Variants in CADM2 observed in about 807,000 individuals in gnomAD.
The protein encoded by CADM2 is cell adhesion molecule 2.
In CADM2, 12 loss-of-function variants were observed where a neutral mutation model predicts 49.8. The observed-to-expected ratio is 0.24, with a 90% CI of 0.15 to 0.39. The LOEUF is 0.39. Among genes scored for constraint, CADM2 ranks in the 10% least tolerant of loss-of-function variants. CADM2 has a pLI of 1.00. For missense variants in CADM2, 378 were observed against 492.3 expected (o/e 0.77, Z 2.20); for synonymous variants, 214 against 175.4 (o/e 1.22, Z -1.74).
intron 3 of CADM2, among the ~76,000 whole-genome samples, chr3:85,822,729 A>G (rs2073665693): frequency 6.6e-6 from 1 of 152,198 alleles, no homozygotes; most frequent in Non-Finnish European, 1.5e-5. Context: ...CATTTTTATG[A>G]AAGAAATCAA....
At chr3:85,332,255 C>T (rs2044949741) in intron 1 of CADM2, among the ~76,000 whole-genome samples, 1 of 151,960 alleles carries the variant, frequency 6.6e-6, no homozygotes. Flanking sequence ...CTGTTGGATC[C>T]TGAGAAATAC....
At chr3:85,998,056 A>G (rs552383820) in intron 8 of CADM2, among the ~76,000 whole-genome samples, 1 of 152,276 alleles carries the variant, frequency 6.6e-6, no homozygotes, top group East Asian at 1.9e-4. Flanking sequence ...ACTTAGAAGG[A>G]GAGGTGAGGG....
chr3:85,341,553 T>C (rs1452284328), intron 1 of CADM2, among the ~76,000 whole-genome samples: 2 of 151,968 alleles, frequency 1.3e-5, no homozygotes, highest in African/African-American at 4.8e-5. Flanking sequence ...ATCATATACA[T>C]AATATCTAAG....
chr3:85,969,199 A>G (rs949415742), intron 8 of CADM2, among the ~76,000 whole-genome samples: 5 of 151,580 alleles, frequency 3.3e-5, no homozygotes, highest in African/African-American at 1.2e-4. Context: ...ATACAAAGGC[A>G]TTTCATCATC....
rs115051244 is a variant in CADM2 at position 85,757,275 on chromosome 3, T to C, written c.88+30727T>C. Reference sequence around the variant, plus strand: ...GTTTGGCTTGAAGACGCGTATTTGTTCATGCTTTAACTTATTTAACATTCA... The same window carrying C: ...GTTTGGCTTGAAGACGCGTATTTGTCCATGCTTTAACTTATTTAACATTCA... On this transcript the variant is annotated intron_variant, in intron 2 of 9. Transcript: ENST00000383699. Among the ~76,000 whole-genome samples the C allele has an allele frequency of 7.3e-3, 1,118 of 152,216 alleles. 12 individuals are homozygous for C. The highest frequency in any genetic ancestry group is 0.025 in the African/African-American group (1,054 of 41,562).
intron 3 of CADM2, among the ~76,000 whole-genome samples, chr3:85,851,511 G>A (rs545292971): frequency 3.8e-4 from 57 of 151,678 alleles, no homozygotes; most frequent in African/African-American, 1.3e-3. Flanking sequence ...AAAATACAAA[G>A]AAAATAAAAA....
chr3:85,426,590 G>T (rs576935227), intron 1 of CADM2, among the ~76,000 whole-genome samples: 3 of 152,018 alleles, frequency 2.0e-5, no homozygotes, highest in African/African-American at 2.4e-5. Flanking sequence ...GGAGAATAGG[G>T]TATCCATCCC....
chr3:85,450,488 A>G (rs1232953360), intron 1 of CADM2, among the ~76,000 whole-genome samples: 1 of 152,092 alleles, frequency 6.6e-6, no homozygotes, highest in African/African-American at 2.4e-5. Flanking sequence ...TTGACAGTAC[A>G]GCATAAATAA....
In CADM2 at chr3:85,691,568, C is replaced by T. The variant is rs190665209; in HGVS notation, c.62-34954C>T. The stretch of plus-strand genomic sequence containing the variant: ...CAACCATTGTGGAAGTCAGTGTGGC[C>T]ATTCCTCAGGGATCTAGAACTAGAA... On this transcript the variant is annotated intron_variant, in intron 1 of 9. Transcript: ENST00000383699. Among the ~76,000 whole-genome samples the T allele has an allele frequency of 5.7e-3, 870 of 152,148 alleles. 5 individuals carry two copies. The highest frequency in any genetic ancestry group is 9.6e-3 in the Non-Finnish European group (655 of 67,994).
intron 1 of CADM2, among the ~76,000 whole-genome samples, chr3:85,572,166 G>A (rs924304821): frequency 2.6e-5 from 4 of 152,058 alleles, no homozygotes; most frequent in African/African-American, 4.8e-5. Flanking sequence ...GCATGGTGGC[G>A]GATGCCTGGA....
chr3:85,524,261 G>A (rs780639933), intron 1 of CADM2, among the ~76,000 whole-genome samples: 4 of 151,806 alleles, frequency 2.6e-5, no homozygotes, highest in Admixed American at 2.6e-4. Flanking sequence ...TATTTTTTGT[G>A]TATAATTTTT....
At chr3:85,087,693 A>G (rs753450909) in intron 1 of CADM2, among the ~76,000 whole-genome samples, 15 of 152,164 alleles carry the variant, frequency 9.9e-5, no homozygotes, top group Non-Finnish European at 1.6e-4. Flanking sequence ...GATATTTGAA[A>G]GTTTTCCCAT....
intron 5 of CADM2, among the ~76,000 whole-genome samples, chr3:85,900,630 C>A (rs969617932): frequency 6.6e-6 from 1 of 152,042 alleles, no homozygotes; most frequent in Non-Finnish European, 1.5e-5. Context: ...TGTTAATCAA[C>A]GTATTTAATT....
At position 85,361,792 on chromosome 3, in the gene CADM2, T is replaced by A. The variant is rs573075140; in HGVS notation, c.62-364730T>A. Among the ~76,000 whole-genome samples the A allele has an allele frequency of 7.9e-5, 12 of 152,318 alleles. No homozygotes were observed. The South Asian group carries it at 2.5e-3, about 32-fold the overall frequency. ...TTAGCAAGAATTAGTCACAATGCCA[T>A]GTCTGGATGTAAGTGGAACAAAGGG... On this transcript the variant is annotated intron_variant, in intron 1 of 9. Transcript: ENST00000383699.
chr3:85,294,583 A>C (rs1036428579), intron 1 of CADM2, among the ~76,000 whole-genome samples: 1 of 152,114 alleles, frequency 6.6e-6, no homozygotes, highest in African/African-American at 2.4e-5. Context: ...TACTGGTACC[A>C]AAACAGAGAT....
intron 8 of CADM2, among the ~76,000 whole-genome samples, chr3:85,995,014 TAAAA>T (rs59038758): frequency 2.4e-5 from 2 of 83,020 alleles, no homozygotes; most frequent in East Asian, 8.7e-4. Context: ...TTCGATTTGT[TAAAA>T]AAAAAAAAAA....
intron 1 of CADM2, among the ~76,000 whole-genome samples, chr3:85,437,779 G>C (rs948620455): frequency 6.6e-6 from 1 of 151,744 alleles, no homozygotes. Context: ...TCCATTTATT[G>C]TTCCTTTTTT....
chr3:86,031,611 A>G (rs2107153939), intron 8 of CADM2, among the ~76,000 whole-genome samples: 2 of 151,982 alleles, frequency 1.3e-5, no homozygotes, highest in East Asian at 3.9e-4. Flanking sequence ...TTTACAGAGT[A>G]AAATTTTAGT....
chr3:85,282,914 C>G (rs2043540434), intron 1 of CADM2, among the ~76,000 whole-genome samples: 1 of 152,024 alleles, frequency 6.6e-6, no homozygotes, highest in South Asian at 2.1e-4. Flanking sequence ...GTTTCCAGCA[C>G]AGAGAAATGA....
Sources: gnomAD v4.1 joint callset for allele counts (sites outside exome capture counted in the v4.1 genomes callset) on GRCh38, gnomAD v4.1.1 for gene constraint, MANE v1.5 for transcripts, NCBI Gene and HGNC (gene_info 2026-07-23, HGNC 2026-07-21) for gene names.